CCSER2: variants seen among roughly 807,000 people sequenced by gnomAD.
CCSER2 encodes coiled-coil serine rich protein 2.
A neutral mutation model predicts 92.3 loss-of-function variants in CCSER2; 46 were observed. The observed-to-expected ratio is 0.50, with a 90% confidence interval of 0.39 to 0.64. The LOEUF is 0.64. CCSER2 is among the 30% of genes least tolerant of loss of function. The pLI is 0.00. For missense variants in CCSER2, 1,244 were observed against 1,238.9 expected (o/e 1.00, Z -0.06); for synonymous variants, 433 against 431.4 (o/e 1.00, Z -0.04).
chr10:84,342,421 A>G (rs902097369), intron 1 of CCSER2, among the ~76,000 whole-genome samples: 1 of 151,680 alleles, frequency 6.6e-6, no homozygotes, highest in African/African-American at 2.4e-5. Flanking sequence ...TTTAGTAGCT[A>G]CTCCTGCCTT....
At chr10:84,416,725 G>T (rs1842904283) in intron 3 of CCSER2, among the ~76,000 whole-genome samples, 1 of 152,018 alleles carries the variant, frequency 6.6e-6, no homozygotes, top group Non-Finnish European at 1.5e-5. Context: ...TCAGGAGATC[G>T]AGACCATCCT....
At chr10:84,482,060 A>C (rs1847490992) in intron 9 of CCSER2, among the ~76,000 whole-genome samples, 1 of 152,168 alleles carries the variant, frequency 6.6e-6, no homozygotes, top group Non-Finnish European at 1.5e-5. Flanking sequence ...AATGATATCT[A>C]CTTACATGGA....
intron 9 of CCSER2, among the ~76,000 whole-genome samples, chr10:84,497,725 A>G (rs903884234): frequency 1.3e-5 from 2 of 152,224 alleles, no homozygotes; most frequent in African/African-American, 2.4e-5. Flanking sequence ...CTGCGAACTT[A>G]TAGGTACTGT....
intron 9 of CCSER2, among the ~76,000 whole-genome samples, chr10:84,487,047 T>A (rs1847849408): frequency 6.6e-6 from 1 of 152,202 alleles, no homozygotes; most frequent in Admixed American, 6.5e-5. Flanking sequence ...AAAGATTAGA[T>A]GGTTGTAGAT....
chr10:84,348,354 A>ACTC (rs1303347947), intron 1 of CCSER2, among the ~76,000 whole-genome samples: 1 of 152,212 alleles, frequency 6.6e-6, no homozygotes, highest in East Asian at 1.9e-4. Context: ...CGGCAGGCTG[A>ACTC]GGCAGGAGAA....
chr10:84,332,432 ATATATTTTTTTT>A (rs1843621535), intron 1 of CCSER2, among the ~76,000 whole-genome samples: 1 of 73,322 alleles, frequency 1.4e-5, no homozygotes, highest in Non-Finnish European at 2.3e-5. Flanking sequence ...ATATATATAT[ATATATTTTTTTT>A]TTTTTTTTTT....
At chr10:84,437,913 C>T (rs140686624) in intron 5 of CCSER2, among the ~76,000 whole-genome samples, 120 of 151,372 alleles carry the variant, frequency 7.9e-4, no homozygotes, top group African/African-American at 2.8e-3. Flanking sequence ...GAGGTTTCAC[C>T]GAGAGTAGAT....
chr10:84,359,232 G>T (rs1474189092), intron 1 of CCSER2, among the ~76,000 whole-genome samples: 1 of 152,030 alleles, frequency 6.6e-6, no homozygotes, highest in African/African-American at 2.4e-5. Context: ...ATTTTATACA[G>T]TTGTGGAATT....
At chr10:84,493,062 A>G (rs1848259338) in intron 9 of CCSER2, among the ~76,000 whole-genome samples, 1 of 152,226 alleles carries the variant, frequency 6.6e-6, no homozygotes, top group Admixed American at 6.5e-5. Context: ...AACATTTAGT[A>G]GAATTTAGCA....
At chr10:84,432,440 G>A (rs939369101) in intron 5 of CCSER2, among the ~76,000 whole-genome samples, 3 of 152,142 alleles carry the variant, frequency 2.0e-5, no homozygotes, top group Non-Finnish European at 4.4e-5. Flanking sequence ...CAGCGTCTGT[G>A]TTACCATTGT....
chr10:84,438,595 T>C lies in CCSER2; in HGVS notation c.1952T>C (p.Val651Ala). ...TTTTTCCAGGCTCAGAAGATGTTTGTTGATGTACCAGAAAATACAGTGATA... is the reference window on the plus strand; with the variant it reads ...TTTTTCCAGGCTCAGAAGATGTTTGCTGATGTACCAGAAAATACAGTGATA... ...MPFFQAQKMF[V>A]DVPENTVILD... Residue 651 changes from valine to alanine, a missense_variant, in exon 6 of 10, where the codon GTT becomes GCT. Val to Ala is a moderately conservative substitution (Grantham distance 64). Coordinates refer to ENST00000372088, the MANE Select transcript of CCSER2 (RefSeq NM_001284240.2). 1 of 1,613,520 alleles carries C rather than the reference T, an allele frequency of 6.2e-7. No individual in the cohort carries two copies. The highest frequency in any genetic ancestry group is 8.5e-7 in the Non-Finnish European group (1 of 1,179,468).
At chr10:84,334,131 C>A (rs1843711945) in intron 1 of CCSER2, among the ~76,000 whole-genome samples, 1 of 152,154 alleles carries the variant, frequency 6.6e-6, no homozygotes, top group East Asian at 1.9e-4. Context: ...GAAGTATTAG[C>A]ACAGACATGA....
At chr10:84,350,815 C>T (rs34547962) in intron 1 of CCSER2, among the ~76,000 whole-genome samples, 8,870 of 152,242 alleles carry the variant, frequency 0.058, 369 homozygotes, top group Admixed American at 0.1. Flanking sequence ...TGACAGCAAC[C>T]GTTATGTGTG....
intron 3 of CCSER2, among the ~76,000 whole-genome samples, chr10:84,386,507 A>T (rs904020094): frequency 2.6e-5 from 4 of 152,220 alleles, no homozygotes; most frequent in Admixed American, 2.6e-4. Context: ...ACTTGAGGCC[A>T]GGAGTTCAAG....
intron 1 of CCSER2, among the ~76,000 whole-genome samples, chr10:84,340,684 T>C (rs758059212): frequency 2.0e-5 from 3 of 151,982 alleles, no homozygotes; most frequent in Admixed American, 2.0e-4. Flanking sequence ...TTAACCATCC[T>C]CTTACCCTGA....
rs1362793328 is a variant in CCSER2 at position 84,470,388 on chromosome 10, A to G, written c.2165A>G (p.Asn722Ser). 7.4e-7 allele frequency: 1 copy of G among 1,346,846 alleles called. No homozygotes were observed. 83.4% of individuals were successfully genotyped at this position (1,346,846 alleles called of 1,614,324 possible). Residue 722 changes from asparagine to serine, a missense_variant, in exon 8 of 10, where the codon AAT becomes AGT. Physicochemically the swap from Asn to Ser is conservative, Grantham distance 46. Transcript: ENST00000372088. ...ATATTTCAGAATGAAGATTTATTAA[A>G]TGAAATAAAACAACTTAAAGACGAA... Reference protein sequence around the residue: ...DKVYKNEDLLNEIKQLKDEIK... With the variant: ...DKVYKNEDLLSEIKQLKDEIK...
At chr10:84,406,289 T>G (rs1228116716) in intron 3 of CCSER2, among the ~76,000 whole-genome samples, 2 of 152,270 alleles carry the variant, frequency 1.3e-5, no homozygotes, top group East Asian at 3.9e-4. Context: ...TATAACTGGA[T>G]AGTGTGAGGG....
At chr10:84,473,822 C>G (rs537439510) in intron 8 of CCSER2, among the ~76,000 whole-genome samples, 5 of 152,188 alleles carry the variant, frequency 3.3e-5, no homozygotes, top group Non-Finnish European at 7.3e-5. Context: ...TCACCTCTCT[C>G]TAGTGCTTTC....
At chr10:84,496,467 A>G (rs1472667281) in intron 9 of CCSER2, among the ~76,000 whole-genome samples, 1 of 151,706 alleles carries the variant, frequency 6.6e-6, no homozygotes, top group Non-Finnish European at 1.5e-5. Flanking sequence ...TTGTATTTTT[A>G]GTAGAGATGG....
Sources: allele counts gnomAD v4.1 joint callset (sites outside exome capture counted in the v4.1 genomes callset), GRCh38; gene constraint gnomAD v4.1.1; transcripts MANE v1.5; gene names NCBI Gene and HGNC (gene_info 2026-07-23, HGNC 2026-07-21).